The following ADGRG1 variants were observed in gnomAD, a reference collection of about 807,000 sequenced individuals.
ADGRG1 encodes adhesion G protein-coupled receptor G1, also known as 7-transmembrane protein with no EGF-like N-terminal domains-1.
A neutral mutation model predicts 73.5 loss-of-function variants in ADGRG1; 53 were observed. The observed-to-expected ratio is 0.72, with a 90% CI of 0.58 to 0.91. The LOEUF (loss-of-function observed/expected upper bound fraction) is 0.91. Among genes scored for constraint, ADGRG1 ranks in the 40% least tolerant of loss-of-function variants. The pLI, the probability that ADGRG1 is intolerant of heterozygous loss-of-function variation, is 0.00. For missense variants in ADGRG1, 795 were observed against 871.8 expected (o/e 0.91, Z 1.11); for synonymous variants, 394 against 374.4 (o/e 1.05, Z -0.60).
intron 11 of ADGRG1, 150 bp from the exon 12 acceptor site, chr16:57,660,618 T>C (rs2046858048): frequency 6.6e-7 from 1 of 1,503,914 alleles, no homozygotes; most frequent in Non-Finnish European, 9.0e-7. Context: ...GGGTCCAAAC[T>C]TGGGGGAACT....
intron 12 of ADGRG1, 110 bp downstream of exon 12, chr16:57,660,986 C>T (rs2148582122): frequency 1.3e-6 from 1 of 757,668 alleles, no homozygotes; most frequent in Non-Finnish European, 2.4e-6. Context: ...GTTCCAGTCT[C>T]CTCGAGGAAT....
intron 3 of ADGRG1, chr16:57,652,566 G>A (rs2044365121): frequency 1.1e-6 from 1 of 938,478 alleles, no homozygotes; most frequent in Admixed American, 6.2e-5. Flanking sequence ...ACTGAACTTG[G>A]TCTTGTTTGG....
Position 57,651,353 on chromosome 16 carries a change from C to A in ADGRG1, c.218C>A (p.Ala73Glu). The A allele has an allele frequency of 5.6e-6, 9 of 1,614,216 alleles. No homozygotes were observed. Among genetic ancestry groups the A allele is most frequent in the South Asian group, 1.1e-5 (1 of 91,078 alleles). Residue 73 changes from alanine (A) to glutamate (E), a missense_variant, in exon 3 of 14, where the codon GCA becomes GAA. By Grantham distance (107) the Ala-to-Glu change is moderately radical. Transcript: ENST00000562631. The part of the protein sequence containing the change: ...EALTVHAPFP[A>E]AHPASRSFPD... ...CTCACAGTCCATGCCCCTTTCCCTG[C>A]AGCCCACCCTGCTTCCCGATCCTTC...
At chr16:57,644,750 A>G (rs574403518) in intron 1 of ADGRG1, among the ~76,000 whole-genome samples, 1 of 127,856 alleles carries the variant, frequency 7.8e-6, no homozygotes, top group Admixed American at 7.8e-5. Flanking sequence ...ACACGTATGC[A>G]CGGGCACACA....
chr16:57,632,079 G>A (rs2038098483), intron 1 of ADGRG1: 1 of 985,368 alleles, frequency 1.0e-6, no homozygotes, highest in African/African-American at 1.7e-5. Flanking sequence ...TGGGCTCAGT[G>A]CCTTGCACAC....
intron 1 of ADGRG1, chr16:57,642,435 C>G: frequency 1.0e-6 from 1 of 985,192 alleles, no homozygotes; most frequent in East Asian, 1.1e-4. Context: ...GGGGAGGGGG[C>G]TGGAGGTGCT....
intron 11 of ADGRG1, chr16:57,660,212 C>A: frequency 1.0e-6 from 1 of 982,980 alleles, no homozygotes; most frequent in Non-Finnish European, 1.2e-6. Context: ...TTGCACAGAC[C>A]CCTCAACCTC....
chr16:57,659,177 C>T, intron 10 of ADGRG1: 1 of 985,378 alleles, frequency 1.0e-6, no homozygotes, highest in Non-Finnish European at 1.2e-6. Context: ...CTGGCTGAGG[C>T]TTCTGTTAAA....
chr16:57,660,336 TTG>T (rs2148560394), intron 11 of ADGRG1: 1 of 985,014 alleles, frequency 1.0e-6, no homozygotes, highest in African/African-American at 1.7e-5. Context: ...TGTCAGGACT[TTG>T]TGTTTGGAGG....
intron 1 of ADGRG1, chr16:57,641,530 T>C (rs1355263460): frequency 1.0e-6 from 1 of 985,224 alleles, no homozygotes; most frequent in East Asian, 1.1e-4. Context: ...GTTTCTCCTT[T>C]AGGTTCTAAG....
chr16:57,638,119 G>A (rs1353000853), intron 1 of ADGRG1, among the ~76,000 whole-genome samples: 1 of 152,260 alleles, frequency 6.6e-6, no homozygotes, highest in East Asian at 1.9e-4. Context: ...TTGGAAGAGA[G>A]CGAGCTCCCT....
At chr16:57,621,249 C>T (rs1218789190) in intron 1 of ADGRG1, 2 of 152,058 alleles carry the variant, frequency 1.3e-5, no homozygotes, top group Admixed American at 6.6e-5. Context: ...CCTGGGGGCT[C>T]CTGGCTGCTG....
intron 1 of ADGRG1, among the ~76,000 whole-genome samples, chr16:57,637,072 A>G (rs2039540985): frequency 1.3e-5 from 2 of 152,128 alleles, no homozygotes; most frequent in Admixed American, 1.3e-4. Context: ...GTGTCTGAGG[A>G]CAGAAGTCTA....
At chr16:57,655,023 C>A (rs1343781968) in intron 5 of ADGRG1, 3 of 981,086 alleles carry the variant, frequency 3.1e-6, no homozygotes, top group African/African-American at 1.8e-5. Flanking sequence ...CCCAGCCACA[C>A]ACCCCATCTT....
rs534712647 is a variant in ADGRG1 at position 57,645,247 on chromosome 16, C to G, written c.-35-5006C>G. 1.1e-5 allele frequency: 11 copies of G among 985,442 alleles called. 1 individual carries two copies. The African/African-American group carries it at 1.6e-4, about 14-fold the overall frequency. 61.0% of individuals were successfully genotyped at this position (985,442 alleles called of 1,614,324 possible). ...GTGGAAGTTGAGCTGGGGGGGTCTT[C>G]CCCTCTGCCTCTCCCAGCGAGGGCC... On this transcript the variant is annotated intron_variant, in intron 1 of 13. Coordinates refer to ENST00000562631, the MANE Select transcript of ADGRG1 (RefSeq NM_201525.4).
At chr16:57,643,603 C>T (rs2041419224) in intron 1 of ADGRG1, 3 of 984,510 alleles carry the variant, frequency 3.0e-6, no homozygotes, top group African/African-American at 1.8e-5. Context: ...GAGTGTGAGG[C>T]TCACCCTGGG....
At chr16:57,628,930 G>A (rs1361231643) in intron 1 of ADGRG1, 128 bp downstream of exon 1, 8 of 727,320 alleles carry the variant, frequency 1.1e-5, no homozygotes, top group Admixed American at 1.4e-4. Flanking sequence ...GAGTGTGAGT[G>A]TGAGTGTGAG....
rs927957480 is a variant in ADGRG1, at chr16:57,636,575, A to T, written c.-36+7773A>T. The T allele has an allele frequency of 4.1e-6, 4 of 984,434 alleles. No individual in the cohort carries two copies. In the South Asian group the frequency reaches 1.9e-4, roughly 46 times the overall value. The allele number at this position is 984,434 out of a possible 1,614,324, so 61.0% of individuals were successfully genotyped here. ...CTCCATCCCCTATCCCCTACCCCTC[A>T]CATAGCCTGAGTGGCACTTTTGGGT... On this transcript the variant is annotated intron_variant, in intron 1 of 13. Transcript: ENST00000562631.
At chr16:57,638,103 GCCCTCTTGGAAGAGAGCGAGCT>G (rs1161512385) in intron 1 of ADGRG1, among the ~76,000 whole-genome samples, 1 of 152,194 alleles carries the variant, frequency 6.6e-6, no homozygotes, top group Non-Finnish European at 1.5e-5. Context: ...AAAGGAATGT[GCCCTCTTGGAAGAGAGCGAGCT>G]CCCTGTCACT....
Sources: allele counts gnomAD v4.1 joint callset (sites outside exome capture counted in the v4.1 genomes callset), GRCh38; gene constraint gnomAD v4.1.1; transcripts MANE v1.5; gene names NCBI Gene and HGNC (gene_info 2026-07-23, HGNC 2026-07-21).